SEMA3A: variants seen among roughly 807,000 people sequenced by gnomAD.
SEMA3A encodes the protein semaphorin 3A.
Under a neutral mutation model 97.9 loss-of-function variants are expected in SEMA3A, and 29 were observed. The observed-to-expected ratio is 0.30, with a 90% CI of 0.22 to 0.40. SEMA3A has a LOEUF of 0.40. SEMA3A is among the 10% of genes least tolerant of loss of function. SEMA3A has a pLI of 1.00. For synonymous variants in SEMA3A, 321 were observed against 323.7 expected (o/e 0.99, Z 0.09); for missense variants, 763 against 951.3 (o/e 0.80, Z 2.60).
At chr7:84,050,473 T>C (rs1792574186) in intron 5 of SEMA3A, among the ~76,000 whole-genome samples, 1 of 152,064 alleles carries the variant, frequency 6.6e-6, no homozygotes, top group Non-Finnish European at 1.5e-5. Flanking sequence ...TGGTGAGCAT[T>C]TTTTCATGTG....
chr7:84,169,213 A>C (rs1237932799), intron 1 of SEMA3A, among the ~76,000 whole-genome samples: 7 of 151,004 alleles, frequency 4.6e-5, no homozygotes, highest in African/African-American at 1.5e-4. Flanking sequence ...GAGCTTCTTT[A>C]TTATTTATGA....
chr7:84,425,927 A>G (rs1804815004), intron 1 of SEMA3A, among the ~76,000 whole-genome samples: 1 of 151,428 alleles, frequency 6.6e-6, no homozygotes, highest in Non-Finnish European at 1.5e-5. Flanking sequence ...TGTCTTTTGC[A>G]GCAACTAGGA....
intron 3 of SEMA3A, among the ~76,000 whole-genome samples, chr7:84,255,625 C>T (rs980152694): frequency 1.3e-5 from 2 of 152,066 alleles, no homozygotes; most frequent in African/African-American, 4.8e-5. Context: ...GGGCGGATGT[C>T]TCTGTGTTCT....
rs1390191888 is a variant in SEMA3A at position 84,313,407 on chromosome 7, A to T, written c.-168-6115T>A. Among the ~76,000 whole-genome samples the T allele has an allele frequency of 5.9e-4, 70 of 118,994 alleles. 1 individual carries two copies. Among genetic ancestry groups the T allele is most frequent in the African/African-American group, 1.9e-3 (57 of 30,516 alleles). 78.1% of individuals were successfully genotyped at this position (118,994 alleles called of 152,430 possible). ...ATATATATATATATATATATATATA[A>T]ACTATACGTGACTCCTGATAAGAGA... On this transcript the variant is annotated intron_variant, in intron 2 of 3. Transcript: ENST00000424555.
intron 1 of SEMA3A, among the ~76,000 whole-genome samples, chr7:84,381,046 A>G (rs1803245521): frequency 6.6e-6 from 1 of 152,212 alleles, no homozygotes; most frequent in South Asian, 2.1e-4. Flanking sequence ...GAACATGGAC[A>G]TCTCTGGGAA....
chr7:84,327,836 C>A lies in SEMA3A; in HGVS notation c.-168-20544G>T, dbSNP rs750264608. Among the ~76,000 whole-genome samples, 3 of 151,958 alleles carry A rather than the reference C, an allele frequency of 2.0e-5. No individual in the cohort carries two copies. The East Asian group carries it at 5.8e-4, about 29-fold the overall frequency. On this transcript the variant is annotated intron_variant, in intron 2 of 3. Coordinates refer to the SEMA3A transcript ENST00000424555. ...TAGAAAAGCAGCTATGGAACATGGTCTCTTTGATAAATGGATAATCATAAG... is the reference window on the plus strand; with the variant it reads ...TAGAAAAGCAGCTATGGAACATGGTATCTTTGATAAATGGATAATCATAAG...
intron 12 of SEMA3A, among the ~76,000 whole-genome samples, chr7:83,986,203 G>A (rs1377908810): frequency 1.3e-5 from 2 of 152,288 alleles, no homozygotes; most frequent in Admixed American, 6.5e-5. Context: ...GGCAGCTGAT[G>A]AGAGTAGGCC....
intron 2 of SEMA3A, among the ~76,000 whole-genome samples, chr7:84,338,942 T>A (rs1327181763): frequency 6.6e-6 from 1 of 152,180 alleles, no homozygotes; most frequent in Non-Finnish European, 1.5e-5. Context: ...ATGTTTTAGG[T>A]TATTTTCATC....
chr7:84,198,543 G>C (rs75514321), upstream of SEMA3A, among the ~76,000 whole-genome samples: 3 of 152,142 alleles, frequency 2.0e-5, no homozygotes, highest in Admixed American at 6.5e-5. Flanking sequence ...TAAGGTATAA[G>C]TGAAATATTC....
chr7:84,451,062 T>C (rs1562952266), intron 1 of SEMA3A, among the ~76,000 whole-genome samples: 1 of 152,208 alleles, frequency 6.6e-6, no homozygotes, highest in Non-Finnish European at 1.5e-5. Flanking sequence ...TTCAGTGTCA[T>C]AGCCAAGAAA....
At chr7:84,197,991 C>T (rs1798274786), upstream of SEMA3A, among the ~76,000 whole-genome samples, 1 of 152,056 alleles carries the variant, frequency 6.6e-6, no homozygotes, top group Non-Finnish European at 1.5e-5. Flanking sequence ...CTGCCGGCCT[C>T]CGCCTCCCAT....
At chr7:84,403,021 T>A (rs1201047110) in intron 1 of SEMA3A, among the ~76,000 whole-genome samples, 1 of 152,086 alleles carries the variant, frequency 6.6e-6, no homozygotes, top group Non-Finnish European at 1.5e-5. Context: ...AATGGGTTCA[T>A]CTCACTGGGG....
intron 8 of SEMA3A, 26 bp downstream of exon 8, chr7:84,011,157 T>C: frequency 6.2e-7 from 1 of 1,604,784 alleles, no homozygotes; most frequent in Non-Finnish European, 8.5e-7. Flanking sequence ...ACAAATATTC[T>C]CTATACATAA....
chr7:84,306,914 C>G lies in SEMA3A; in HGVS notation c.-83+293G>C, dbSNP rs190736369. 2.0e-4 allele frequency among the ~76,000 whole-genome samples: 31 copies of G among 152,086 alleles called. No individual in the cohort carries two copies. The East Asian group carries it at 4.6e-3, about 23-fold the overall frequency. On this transcript the variant is annotated intron_variant, in intron 3 of 3. Coordinates refer to the SEMA3A transcript ENST00000424555. ...GCTCTGTGGCTCCTGGGGAACCTCACAAACCCAGTGAAATTCCCAAGTCTG... is the reference window on the plus strand; with the variant it reads ...GCTCTGTGGCTCCTGGGGAACCTCAGAAACCCAGTGAAATTCCCAAGTCTG...
intron 5 of SEMA3A, among the ~76,000 whole-genome samples, chr7:84,048,237 A>G (rs1174858217): frequency 1.3e-5 from 2 of 152,170 alleles, no homozygotes; most frequent in Admixed American, 6.6e-5. Context: ...TTACTTAAAT[A>G]TCAAGTGTAA....
In SEMA3A at chr7:84,132,662, G is replaced by GTTTTTTT. The variant is rs55830654; in HGVS notation, c.270+2125_270+2131dup. 2.2e-4 allele frequency among the ~76,000 whole-genome samples: 19 copies of GTTTTTTT among 86,654 alleles called. 1 individual carries two copies. The highest frequency in any genetic ancestry group is 4.6e-4 in the South Asian group (1 of 2,166). The allele number at this position is 86,654 out of a possible 152,430, so 56.8% of individuals were successfully genotyped here. A position where few individuals can be genotyped will look rare whatever the true frequency, so the allele number is the denominator to read the frequency against. On this transcript the variant is annotated intron_variant, in intron 2 of 16. Coordinates refer to ENST00000265362, the MANE Select transcript of SEMA3A (RefSeq NM_006080.3). ...TCTAATTTTTCTTCATCGACTTGGT[G>GTTTTTTT]TTTTTTTTTTTTTTTTTTTTTTTTT... is the stretch of plus-strand genomic sequence containing the variant.
chr7:84,378,967 C>T (rs371836585), intron 1 of SEMA3A, among the ~76,000 whole-genome samples: 1 of 151,760 alleles, frequency 6.6e-6, no homozygotes, highest in South Asian at 2.1e-4. Flanking sequence ...TGCTCTGTCG[C>T]CCAGGCTGGA....
At chr7:84,029,439 T>C (rs62473929) in intron 6 of SEMA3A, among the ~76,000 whole-genome samples, 7,910 of 152,282 alleles carry the variant, frequency 0.052, 311 homozygotes, top group Non-Finnish European at 0.079. Flanking sequence ...TAAATATGGA[T>C]TCGAAGGATT....
intron 2 of SEMA3A, among the ~76,000 whole-genome samples, chr7:84,365,483 A>G (rs1354599364): frequency 1.5e-5 from 2 of 135,486 alleles, no homozygotes; most frequent in African/African-American, 2.9e-5. Context: ...TCAAACCCTC[A>G]TCTCTCTTTG....
Sources: allele counts gnomAD v4.1 joint callset (sites outside exome capture counted in the v4.1 genomes callset), GRCh38; gene constraint gnomAD v4.1.1; transcripts MANE v1.5; gene names NCBI Gene and HGNC (gene_info 2026-07-23, HGNC 2026-07-21).